The following CFAP47 variants were observed in gnomAD, a reference collection of about 807,000 sequenced individuals.
The protein encoded by CFAP47 is cilia and flagella associated protein 47.
In CFAP47, 29 loss-of-function variants were observed where a neutral mutation model predicts 148.1. The observed-to-expected ratio is 0.20, with a 90% CI of 0.15 to 0.27. The LOEUF (loss-of-function observed/expected upper bound fraction) is 0.27, where lower values mean the gene tolerates loss of function less well. CFAP47 is among the 10% of genes least tolerant of loss of function. The pLI, the probability that CFAP47 is intolerant of heterozygous loss-of-function variation, is 1.00. For synonymous variants in CFAP47, 664 were observed against 577.3 expected (o/e 1.15, Z -2.15); for missense variants, 1,872 against 1,697.5 (o/e 1.10, Z -1.81).
intron 33 of CFAP47, among the ~76,000 whole-genome samples, chrX:36,132,834 A>G (rs1938972602): frequency 8.9e-6 from 1 of 112,025 alleles, no homozygotes. Flanking sequence ...AAGCAGATTC[A>G]AAGTTGTGAT....
At chrX:36,118,348 G>T (rs183748642) in intron 33 of CFAP47, among the ~76,000 whole-genome samples, 20 of 111,127 alleles carry the variant, frequency 1.8e-4, no homozygotes, top group Non-Finnish European at 3.0e-4. Context: ...ACATTTAAAA[G>T]ATATTTATTT....
intron 49 of CFAP47, among the ~76,000 whole-genome samples, chrX:36,268,569 T>G (rs1940922246): frequency 8.9e-6 from 1 of 112,730 alleles, no homozygotes; most frequent in Non-Finnish European, 1.9e-5. Flanking sequence ...CTAGAGAAAG[T>G]ATTTTTCATT....
At chrX:36,093,150 A>G (rs923866084) in intron 30 of CFAP47, among the ~76,000 whole-genome samples, 3 of 111,609 alleles carry the variant, frequency 2.7e-5, no homozygotes, top group Non-Finnish European at 5.7e-5. Context: ...GTCTTTATCT[A>G]TTCATCTGTT....
At chrX:36,156,399 T>C (rs1415865926) in intron 37 of CFAP47, among the ~76,000 whole-genome samples, 1 of 111,476 alleles carries the variant, frequency 9.0e-6, no homozygotes, top group East Asian at 2.8e-4. Flanking sequence ...CACCAGCATA[T>C]AAACAAACAT....
In CFAP47 at chrX:36,379,421, G is replaced by A. The variant is rs782588475; in HGVS notation, c.9257G>A (p.Gly3086Glu). 2.7e-5 allele frequency: 31 copies of A among 1,163,670 alleles called. No individual in the cohort carries two copies. The highest frequency in any genetic ancestry group is 3.6e-5 in the African/African-American group (2 of 55,809). The change falls in exon 63 of 64, where the codon GGA becomes GAA. Residue 3086 changes from glycine (G) to glutamate (E), a missense_variant. Coordinates refer to ENST00000378653, the MANE Select transcript of CFAP47 (RefSeq NM_001304548.2). Reference protein sequence around the residue: ...DLEFFVKPQAGELLPFNTNGT... With the variant: ...DLEFFVKPQAEELLPFNTNGT... ...GAGTTTTTTGTAAAACCTCAGGCTGGAGAACTTCTTCCTTTTAACACAAAC... is the reference window on the plus strand; with the variant it reads ...GAGTTTTTTGTAAAACCTCAGGCTGAAGAACTTCTTCCTTTTAACACAAAC...
In CFAP47 at chrX:35,924,233, G is replaced by A. The variant is rs1451128551; in HGVS notation, c.250-1784G>A. On this transcript the variant is annotated intron_variant, in intron 1 of 63. Transcript: ENST00000378653. Reference sequence around the variant, plus strand: ...TATGTGTGCATGTATGTGTATATATGGACATGTATGTGTGCATATGGACAT... The same window carrying A: ...TATGTGTGCATGTATGTGTATATATAGACATGTATGTGTGCATATGGACAT... Among the ~76,000 whole-genome samples the A allele has an allele frequency of 1.8e-4, 16 of 90,918 alleles. 3 individuals carry two copies. The highest frequency in any genetic ancestry group is 7.5e-4 in the African/African-American group (15 of 19,886). The allele number at this position is 90,918 out of a possible 115,157, so 79.0% of individuals were successfully genotyped here. A position where few individuals can be genotyped will look rare whatever the true frequency, so the allele number is the denominator to read the frequency against.
intron 28 of CFAP47, 55 bp downstream of exon 28, chrX:36,072,026 T>C: frequency 1.1e-6 from 1 of 875,939 alleles, no homozygotes; most frequent in African/African-American, 2.0e-5. Context: ...CATGATCTCC[T>C]TAATATCACT....
chrX:36,152,791 G>A (rs1939324430), intron 37 of CFAP47, among the ~76,000 whole-genome samples: 1 of 111,429 alleles, frequency 9.0e-6, no homozygotes. Flanking sequence ...TTGTTTTTAT[G>A]TGGAGAGAAT....
chrX:35,984,300 AT>A (rs1264706201), intron 15 of CFAP47, among the ~76,000 whole-genome samples: 1 of 111,208 alleles, frequency 9.0e-6, no homozygotes, highest in Non-Finnish European at 1.9e-5. Flanking sequence ...GTATGTGTTA[AT>A]GTCCCCTTTA....
At chrX:36,070,605 C>T (rs1444147534) in intron 27 of CFAP47, among the ~76,000 whole-genome samples, 2 of 108,655 alleles carry the variant, frequency 1.8e-5, no homozygotes, top group Non-Finnish European at 3.8e-5. Context: ...GATTCTCATG[C>T]CTCAGCCTCC....
intron 27 of CFAP47, among the ~76,000 whole-genome samples, chrX:36,067,373 A>G (rs1003745243): frequency 9.0e-6 from 1 of 111,260 alleles, no homozygotes; most frequent in African/African-American, 3.3e-5. Context: ...CCCCATCTCT[A>G]TGTTTGTACC....
At chrX:36,278,738 G>A (rs1226471161) in intron 49 of CFAP47, among the ~76,000 whole-genome samples, 1 of 112,415 alleles carries the variant, frequency 8.9e-6, no homozygotes, top group African/African-American at 3.2e-5. Flanking sequence ...GACCCCAAAT[G>A]TATAATTTCA....
At chrX:35,953,243 T>C (rs73468916) in intron 6 of CFAP47, among the ~76,000 whole-genome samples, 2,104 of 112,341 alleles carry the variant, frequency 0.019, 52 homozygotes, top group African/African-American at 0.063. Context: ...TGGACTATTG[T>C]AAAGAATTAA....
At chrX:36,090,260 C>T (rs1938160858) in intron 30 of CFAP47, among the ~76,000 whole-genome samples, 1 of 111,658 alleles carries the variant, frequency 9.0e-6, no homozygotes, top group African/African-American at 3.2e-5. Context: ...TCAATAAGTC[C>T]AAAACCTGAA....
chrX:36,058,880 A>C (rs1601952780), intron 26 of CFAP47, among the ~76,000 whole-genome samples: 1 of 112,162 alleles, frequency 8.9e-6, no homozygotes, highest in African/African-American at 3.2e-5. Context: ...GATCTCTAAT[A>C]GCTGAGCCCT....
Position 35,993,207 on chromosome X carries a change from T to G in CFAP47, c.2985T>G (p.Leu995=). 2 of 295,981 alleles carry G rather than the reference T, an allele frequency of 6.8e-6. No individual in the cohort carries two copies. Among genetic ancestry groups the G allele is most frequent in the Non-Finnish European group, 1.2e-5 (2 of 169,116 alleles). 24.4% of individuals were successfully genotyped at this position (295,981 alleles called of 1,213,427 possible). The change falls in exon 18 of 64, where the codon CTT becomes CTG. Residue 995 remains leucine, a synonymous_variant. Coordinates refer to ENST00000378653, the MANE Select transcript of CFAP47 (RefSeq NM_001304548.2). ...HAYFKVCSQS[L]LPIINIIPSQ... is the part of the protein sequence containing the mutation. ...AATTACAGGTTTGTAGTCAGAGTCT[T>G]TTGCCTATCATTAATATTATTCCAT...
In CFAP47 at chrX:36,236,010, A is replaced by G. The variant is rs1555994515; in HGVS notation, c.7091A>G (p.His2364Arg). 1 of 515,338 alleles carries G rather than the reference A, an allele frequency of 1.9e-6. No individual in the cohort carries two copies. The highest frequency in any genetic ancestry group is 3.5e-6 in the Non-Finnish European group (1 of 283,357). The allele number at this position is 515,338 out of a possible 1,213,427, so 42.5% of individuals were successfully genotyped here. A position where few individuals can be genotyped will look rare whatever the true frequency, so the allele number is the denominator to read the frequency against. The change falls in exon 47 of 64, where the codon CAT (histidine) becomes CGT (arginine). Residue 2364 changes from histidine (H) to arginine (R), a missense_variant. Transcript: ENST00000378653. ...TGGTTTTATGGACCTGTTGATTTACATGTTGGACCAGATGAAATTGTGGAG... is the reference window on the plus strand; with the variant it reads ...TGGTTTTATGGACCTGTTGATTTACGTGTTGGACCAGATGAAATTGTGGAG... Reference protein sequence around the residue: ...GEWFYGPVDLHVGPDEIVEYP... With the variant: ...GEWFYGPVDLRVGPDEIVEYP...
chrX:36,385,052 A>T lies in CFAP47; in HGVS notation c.*46A>T, dbSNP rs1942116075. On this transcript the variant is annotated 3_prime_UTR_variant, in exon 64 of 64. Coordinates refer to ENST00000378653, the MANE Select transcript of CFAP47 (RefSeq NM_001304548.2). The stretch of plus-strand genomic sequence containing the variant: ...CTTGGTCTCAGGTAGAACTTTGATG[A>T]CTATTATTTCATCTTTTGGAATATT... The T allele has an allele frequency of 1.2e-6, 1 of 807,142 alleles. No individual in the cohort carries two copies. 66.5% of individuals were successfully genotyped at this position (807,142 alleles called of 1,213,427 possible).
At chrX:35,987,824 C>T (rs995231603) in intron 15 of CFAP47, among the ~76,000 whole-genome samples, 1 of 111,506 alleles carries the variant, frequency 9.0e-6, no homozygotes, top group Non-Finnish European at 1.9e-5. Flanking sequence ...CCATCCCTCA[C>T]GGCAAGGTCC....
Sources: gnomAD v4.1 joint callset for allele counts (sites outside exome capture counted in the v4.1 genomes callset) on GRCh38, gnomAD v4.1.1 for gene constraint, MANE v1.5 for transcripts, NCBI Gene and HGNC (gene_info 2026-07-23, HGNC 2026-07-21) for gene names.